TCF12: variants seen among roughly 807,000 people sequenced by gnomAD.
TCF12 encodes DNA-binding protein HTF4.
TCF12 carries 45 observed loss-of-function variants against 86.0 expected under a neutral mutation model. That is an observed-to-expected ratio of 0.52 (90% CI 0.41 to 0.67). The LOEUF (loss-of-function observed/expected upper bound fraction) is 0.67. TCF12 is among the 30% of genes least tolerant of loss of function. The pLI is 0.00. For synonymous variants in TCF12, 330 were observed against 299.6 expected (o/e 1.10, Z -1.05); for missense variants, 881 against 859.9 (o/e 1.02, Z -0.31).
intron 18 of TCF12, among the ~76,000 whole-genome samples, chr15:57,266,152 C>T (rs1191100274): frequency 6.6e-6 from 1 of 151,848 alleles, no homozygotes; most frequent in Non-Finnish European, 1.5e-5. Context: ...CGCTGTCACC[C>T]AGGCTGGAAT....
intron 4 of TCF12, among the ~76,000 whole-genome samples, chr15:57,079,677 C>G (rs969999235): frequency 1.3e-5 from 2 of 152,092 alleles, no homozygotes; most frequent in Non-Finnish European, 2.9e-5. Flanking sequence ...GTTCCTCAGC[C>G]TTGTTCTCTA....
chr15:56,966,394 A>G (rs1304188604), intron 3 of TCF12, among the ~76,000 whole-genome samples: 3 of 152,224 alleles, frequency 2.0e-5, no homozygotes, highest in African/African-American at 4.8e-5. Context: ...ACCTAATATC[A>G]TGCTGTGTAA....
At chr15:57,072,908 TAA>T (rs1228419200) in intron 4 of TCF12, among the ~76,000 whole-genome samples, 3 of 152,180 alleles carry the variant, frequency 2.0e-5, no homozygotes, top group African/African-American at 4.8e-5. Context: ...CACCTGCCTA[TAA>T]ATTATAACCT....
chr15:57,190,681 T>G (rs1334912825), intron 6 of TCF12, among the ~76,000 whole-genome samples: 2 of 152,178 alleles, frequency 1.3e-5, no homozygotes, highest in Non-Finnish European at 2.9e-5. Flanking sequence ...GTGAGAGGGT[T>G]ACTGCATTAG....
intron 3 of TCF12, among the ~76,000 whole-genome samples, chr15:56,926,722 C>G (rs973599058): frequency 1.3e-5 from 2 of 152,220 alleles, no homozygotes; most frequent in African/African-American, 2.4e-5. Flanking sequence ...TACAGGTGTT[C>G]AGATCCAGAA....
intron 3 of TCF12, among the ~76,000 whole-genome samples, chr15:57,036,688 A>T (rs574025201): frequency 6.8e-4 from 104 of 152,266 alleles, no homozygotes; most frequent in African/African-American, 2.3e-3. Flanking sequence ...CCATTTTTTA[A>T]TTGAAAATTT....
At chr15:57,162,783 A>T (rs1421885419) in intron 5 of TCF12, among the ~76,000 whole-genome samples, 1 of 152,224 alleles carries the variant, frequency 6.6e-6, no homozygotes, top group Non-Finnish European at 1.5e-5. Flanking sequence ...ATTATTAAAA[A>T]CAGAGCTAAT....
chr15:57,261,590 A>G (rs1232595473), intron 16 of TCF12, among the ~76,000 whole-genome samples: 1 of 152,180 alleles, frequency 6.6e-6, no homozygotes, highest in Non-Finnish European at 1.5e-5. Context: ...CACGTCTGCT[A>G]CTATTCTAAT....
intron 5 of TCF12, among the ~76,000 whole-genome samples, chr15:57,100,737 T>C (rs2049682375): frequency 6.6e-6 from 1 of 152,180 alleles, no homozygotes; most frequent in South Asian, 2.1e-4. Flanking sequence ...TTACTCCCCA[T>C]ACCCTGAAAA....
intron 3 of TCF12, among the ~76,000 whole-genome samples, chr15:56,958,141 A>G (rs1169054558): frequency 2.6e-5 from 4 of 152,164 alleles, no homozygotes; most frequent in East Asian, 1.9e-4. Context: ...AACTTTTTGC[A>G]GGAGTTTTTA....
Position 57,170,714 on chromosome 15 carries a change from TA to T in TCF12, c.390+4249del, listed in dbSNP as rs1567558952. Among the ~76,000 whole-genome samples the T allele has an allele frequency of 3.1e-3, 27 of 8,838 alleles. 2 individuals are homozygous for T. Among genetic ancestry groups the T allele is most frequent in the African/African-American group, 0.013 (24 of 1,812 alleles). The allele number at this position is 8,838 out of a possible 152,430, so 5.8% of individuals were successfully genotyped here. A position where few individuals can be genotyped will look rare whatever the true frequency, so the allele number is the denominator to read the frequency against. ...AATATATATTATATATAATATATAA[TA>T]TATATATTATATATTATATATAATA... On this transcript the variant is annotated intron_variant, in intron 6 of 20. Transcript: ENST00000333725.
intron 13 of TCF12, among the ~76,000 whole-genome samples, chr15:57,249,433 T>A (rs2060007688): frequency 6.6e-6 from 1 of 151,952 alleles, no homozygotes; most frequent in Non-Finnish European, 1.5e-5. Context: ...AAAAATTAAC[T>A]GAAGTGCATA....
Position 57,252,448 on chromosome 15 carries a change from G to A in TCF12, c.1216G>A (p.Glu406Lys). The A allele has an allele frequency of 5.6e-6, 9 of 1,613,896 alleles. No homozygotes were observed. The highest frequency in any genetic ancestry group is 7.6e-6 in the Non-Finnish European group (9 of 1,179,898). The stretch of plus-strand genomic sequence containing the variant: ...AAATCGAGTTGAGCAGCAACTTCAC[G>A]AGCATTTGCAAGATGCAATGTCCTT... The part of the protein sequence containing the change: ...LKNRVEQQLH[E>K]HLQDAMSFLK... The change falls in exon 15 of 21, where the codon GAG becomes AAG. Residue 406 changes from glutamate (E) to lysine (K), a missense_variant. By Grantham distance (56) the Glu-to-Lys change is moderately conservative. Transcript: ENST00000333725.
At chr15:57,154,830 T>G (rs553189352) in intron 5 of TCF12, among the ~76,000 whole-genome samples, 12 of 152,334 alleles carry the variant, frequency 7.9e-5, no homozygotes, top group Admixed American at 7.8e-4. Context: ...ACTTTGTCCT[T>G]AAGCATGAAT....
intron 4 of TCF12, among the ~76,000 whole-genome samples, chr15:57,075,828 C>CT (rs375885722): frequency 1.4e-5 from 1 of 71,300 alleles, no homozygotes; most frequent in Non-Finnish European, 2.6e-5. Context: ...CTCTCTCTCT[C>CT]TCTCTCTTTT....
chr15:57,026,331 T>C (rs1419954519), intron 3 of TCF12, among the ~76,000 whole-genome samples: 1 of 152,214 alleles, frequency 6.6e-6, no homozygotes, highest in African/African-American at 2.4e-5. Flanking sequence ...AAGTTTAGCT[T>C]AAGAATTTAA....
intron 13 of TCF12, among the ~76,000 whole-genome samples, chr15:57,243,779 G>T (rs1421672996): frequency 6.6e-6 from 1 of 152,122 alleles, no homozygotes; most frequent in Non-Finnish European, 1.5e-5. Context: ...AATGTAATTT[G>T]TGATCATTTC....
intron 3 of TCF12, among the ~76,000 whole-genome samples, chr15:56,963,928 G>A (rs1225926336): frequency 6.6e-6 from 1 of 152,180 alleles, no homozygotes; most frequent in African/African-American, 2.4e-5. Context: ...CAAAAATTTT[G>A]GCAGAGTGGT....
At chr15:57,080,351 G>A (rs561188157) in intron 4 of TCF12, among the ~76,000 whole-genome samples, 2 of 152,210 alleles carry the variant, frequency 1.3e-5, no homozygotes, top group East Asian at 3.8e-4. Context: ...CAGGGGTACT[G>A]TCTGCCTTTG....
Sources: gnomAD v4.1 joint callset for allele counts (sites outside exome capture counted in the v4.1 genomes callset) on GRCh38, gnomAD v4.1.1 for gene constraint, MANE v1.5 for transcripts, NCBI Gene and HGNC (gene_info 2026-07-23, HGNC 2026-07-21) for gene names.